Variants in HRK observed in about 807,000 individuals in gnomAD.
HRK encodes harakiri, BCL2 interacting protein, also known as activator of apoptosis harakiri.
In HRK, 6 loss-of-function variants were observed where a neutral mutation model predicts 5.9. The observed-to-expected ratio is 1.02, with a 90% confidence interval of 0.56 to 2.01. HRK has a LOEUF of 2.01. Ranked by LOEUF, HRK falls within the 30% of genes most tolerant of loss-of-function variation. The pLI, the probability that HRK is intolerant of heterozygous loss-of-function variation, is 0.00. For synonymous variants in HRK, 85 were observed against 65.1 expected, an observed-to-expected ratio of 1.31 and a Z score of -1.47; for missense variants, 133 against 128.3, an observed-to-expected ratio of 1.04 and a Z score of -0.18.
intron 1 of HRK, among the ~76,000 whole-genome samples, chr12:116,871,851 A>G (rs1381049024): frequency 1.3e-5 from 2 of 151,510 alleles, no homozygotes; most frequent in African/African-American, 4.8e-5. Flanking sequence ...CCTGGCTAGT[A>G]TTGAACTCCT....
At chr12:116,874,333 C>T (rs562267105) in intron 1 of HRK, among the ~76,000 whole-genome samples, 4 of 152,302 alleles carry the variant, frequency 2.6e-5, no homozygotes, top group African/African-American at 7.2e-5. Flanking sequence ...ACACCTTTCT[C>T]GCATGTCTTC....
intron 1 of HRK, among the ~76,000 whole-genome samples, chr12:116,864,829 C>T (rs923814104): frequency 5.3e-5 from 8 of 152,016 alleles, no homozygotes; most frequent in Admixed American, 2.0e-4. Flanking sequence ...CAGTAGTAAT[C>T]GTGCAATTTA....
intron 1 of HRK, among the ~76,000 whole-genome samples, chr12:116,874,538 C>T (rs1301386468): frequency 3.3e-5 from 5 of 152,134 alleles, no homozygotes; most frequent in Non-Finnish European, 7.4e-5. Flanking sequence ...CCAAAGGTGG[C>T]CACTAAAATA....
At chr12:116,872,325 A>G (rs1878783677) in intron 1 of HRK, among the ~76,000 whole-genome samples, 1 of 152,158 alleles carries the variant, frequency 6.6e-6, no homozygotes, top group Non-Finnish European at 1.5e-5. Flanking sequence ...AGATTGCGCC[A>G]TTGCACTCCA....
Position 116,860,311 on chromosome 12 carries a change from A to C in HRK, c.*1212T>G, listed in dbSNP as rs1403563856. On this transcript the variant is annotated 3_prime_UTR_variant, in exon 2 of 2. Transcript: ENST00000257572. ...TAGAAACTTCTGAAAATAGTAGCTT[A>C]TCCTTGGGGGGAAAAAAATCAGACC... 4 of 152,166 alleles carry C rather than the reference A, an allele frequency of 2.6e-5. No homozygotes were observed. The highest frequency in any genetic ancestry group is 9.7e-5 in the African/African-American group (4 of 41,440). The allele number at this position is 152,166 out of a possible 1,614,324, so 9.4% of individuals were successfully genotyped here.
In HRK at chr12:116,858,903, A is replaced by G. The variant is rs1279330442; in HGVS notation, c.*2620T>C. 2.0e-5 allele frequency: 3 copies of G among 152,076 alleles called. No homozygotes were observed. Among genetic ancestry groups the G allele is most frequent in the African/African-American group, 7.2e-5 (3 of 41,396 alleles). 9.4% of individuals were successfully genotyped at this position (152,076 alleles called of 1,614,324 possible). A position where few individuals can be genotyped will look rare whatever the true frequency, so the allele number is the denominator to read the frequency against. ...GAGAGATGGTGGAGACAATATATAC[A>G]TATATATCATGCTTCAATTTCCTAA... On this transcript the variant is annotated 3_prime_UTR_variant, in exon 2 of 2. Coordinates refer to ENST00000257572, the MANE Select transcript of HRK (RefSeq NM_003806.4).
In HRK at chr12:116,878,582, G is replaced by C. The variant is rs1349509283; in HGVS notation, c.*56+2394C>G. 1.3e-5 allele frequency: 2 copies of C among 152,830 alleles called. No individual in the cohort carries two copies. Among genetic ancestry groups the C allele is most frequent in the South Asian group, 2.1e-4 (1 of 4,834 alleles). 9.5% of individuals were successfully genotyped at this position (152,830 alleles called of 1,614,324 possible). ...AACTTGATCAGGGCCAGTGCAGGGA[G>C]CCCGAGCACTGAGAACCCGGCCTGG... On this transcript the variant is annotated intron_variant, in intron 1 of 1. Coordinates refer to ENST00000257572, the MANE Select transcript of HRK (RefSeq NM_003806.4). This position sits in a 1 kb window ranked among gnomAD's most constrained non-coding sequence, Gnocchi z 4.4.
chr12:116,863,683 C>T (rs777088765), intron 1 of HRK, among the ~76,000 whole-genome samples: 19 of 151,698 alleles, frequency 1.3e-4, no homozygotes, highest in South Asian at 8.4e-4. Flanking sequence ...AAATCAGTGA[C>T]TTCAAACCTT....
At chr12:116,872,005 C>T (rs1878771039) in intron 1 of HRK, among the ~76,000 whole-genome samples, 1 of 151,740 alleles carries the variant, frequency 6.6e-6, no homozygotes, top group Admixed American at 6.6e-5. Context: ...ACTACAACTT[C>T]GAACTCCTGG....
Position 116,857,087 on chromosome 12 carries a change from C to G in HRK, c.*4436G>C, listed in dbSNP as rs1160553542. 6.6e-6 allele frequency: 1 copy of G among 152,172 alleles called. No homozygotes were observed. The highest frequency in any genetic ancestry group is 1.5e-5 in the Non-Finnish European group (1 of 68,038). 9.4% of individuals were successfully genotyped at this position (152,172 alleles called of 1,614,324 possible). ...AGGGCTCTCAGTAAATACTATATAA[C>G]AATCTGCCAGCAAAGCTTGGGGTCA... On this transcript the variant is annotated 3_prime_UTR_variant, in exon 2 of 2. Transcript: ENST00000257572.
intron 1 of HRK, among the ~76,000 whole-genome samples, chr12:116,870,064 AGT>A (rs1878693486): frequency 6.6e-6 from 1 of 151,738 alleles, no homozygotes; most frequent in Non-Finnish European, 1.5e-5. Context: ...TGGGCAACAG[AGT>A]GAGACTCCAT....
Position 116,858,528 on chromosome 12 carries a change from A to G in HRK, c.*2995T>C, listed in dbSNP as rs1043241471. The G allele has an allele frequency of 1.4e-5, 2 of 141,686 alleles. No homozygotes were observed. Among genetic ancestry groups the G allele is most frequent in the African/African-American group, 5.1e-5 (2 of 38,878 alleles). The allele number at this position is 141,686 out of a possible 1,614,324, so 8.8% of individuals were successfully genotyped here. On this transcript the variant is annotated 3_prime_UTR_variant, in exon 2 of 2. Transcript: ENST00000257572. Reference sequence around the variant, plus strand: ...AAGTCTCTTCATCTCATTATGCAGCAAGCTACCTAAACGATGATCTCAGAG... The same window carrying G: ...AAGTCTCTTCATCTCATTATGCAGCGAGCTACCTAAACGATGATCTCAGAG...
At chr12:116,880,813 G>C (rs530939067) in intron 1 of HRK, among the ~76,000 whole-genome samples, 163 bp downstream of exon 1, 3 of 152,174 alleles carry the variant, frequency 2.0e-5, no homozygotes, top group African/African-American at 7.2e-5. Context: ...CTGGGGACTG[G>C]GTAGAAGAGG....
rs1026868994 is a variant in HRK, at chr12:116,862,287, T to C, written c.*57-821A>G. ...GTGTGCACAAATGCTCATGGCAGAA[T>C]TATCCATAATAGCAAAATACGGAAA... On this transcript the variant is annotated intron_variant, in intron 1 of 1. Transcript: ENST00000257572. The surrounding 1 kb of genome is among the most constrained non-coding windows in gnomAD (Gnocchi z 4.0). 2.6e-5 allele frequency among the ~76,000 whole-genome samples: 4 copies of C among 152,196 alleles called. No homozygotes were observed. Among genetic ancestry groups the C allele is most frequent in the Non-Finnish European group, 5.9e-5 (4 of 68,034 alleles).
rs1167180470 is a variant in HRK, at chr12:116,861,176, A to G, written c.*347T>C. ...TATCAAAGTTCACATCGCAAGGTGC[A>G]GAAAAGGAAGGCAACCACGTCCTCA... On this transcript the variant is annotated 3_prime_UTR_variant, in exon 2 of 2. Coordinates refer to ENST00000257572, the MANE Select transcript of HRK (RefSeq NM_003806.4). The G allele has an allele frequency of 6.6e-6, 1 of 152,262 alleles. No individual in the cohort carries two copies. Among genetic ancestry groups the G allele is most frequent in the Non-Finnish European group, 1.5e-5 (1 of 68,070 alleles). The allele number at this position is 152,262 out of a possible 1,614,324, so 9.4% of individuals were successfully genotyped here. A position where few individuals can be genotyped will look rare whatever the true frequency, so the allele number is the denominator to read the frequency against.
At chr12:116,874,039 G>A (rs1878850836) in intron 1 of HRK, among the ~76,000 whole-genome samples, 1 of 152,170 alleles carries the variant, frequency 6.6e-6, no homozygotes, top group Non-Finnish European at 1.5e-5. Context: ...TGAGGGGAGT[G>A]GGCATGAGTG....
intron 1 of HRK, among the ~76,000 whole-genome samples, chr12:116,877,104 G>A (rs1593010964): frequency 6.6e-6 from 1 of 152,312 alleles, no homozygotes; most frequent in African/African-American, 2.4e-5. Context: ...AGGCTGGAGT[G>A]CAATAGTGCG....
At chr12:116,865,995 TA>T (rs1220903659) in intron 1 of HRK, among the ~76,000 whole-genome samples, 1 of 151,388 alleles carries the variant, frequency 6.6e-6, no homozygotes, top group Admixed American at 6.6e-5. Flanking sequence ...CCATCTCTAC[TA>T]AAAATACAAA....
intron 1 of HRK, among the ~76,000 whole-genome samples, chr12:116,876,481 C>T (rs909493169): frequency 6.6e-6 from 1 of 152,136 alleles, no homozygotes; most frequent in African/African-American, 2.4e-5. Flanking sequence ...TCCCGCTGGC[C>T]CATTATCTTC....
Sources: allele counts gnomAD v4.1 joint callset (sites outside exome capture counted in the v4.1 genomes callset), GRCh38; gene constraint gnomAD v4.1.1; non-coding constraint Gnocchi (gnomAD v3.1); transcripts MANE v1.5; gene names NCBI Gene and HGNC (gene_info 2026-07-23, HGNC 2026-07-21).